Variants in SUGCT observed in about 807,000 individuals in gnomAD.
The protein encoded by SUGCT is succinyl-CoA:glutarate-CoA transferase.
Under a neutral mutation model 55.0 loss-of-function variants are expected in SUGCT, and 41 were observed. That is an observed-to-expected ratio of 0.74 (90% CI 0.58 to 0.97). The LOEUF is 0.97. Ranked by LOEUF, SUGCT falls within the 50% of genes least tolerant of loss-of-function variation. The pLI is 0.00. For missense variants in SUGCT, 568 were observed against 547.8 expected, an observed-to-expected ratio of 1.04 and a Z score of -0.37; for synonymous variants, 187 against 200.4, an observed-to-expected ratio of 0.93 and a Z score of 0.56.
downstream of SUGCT, among the ~76,000 whole-genome samples, chr7:40,862,783 A>T (rs1457912098): frequency 2.0e-5 from 3 of 151,164 alleles, no homozygotes; most frequent in East Asian, 3.9e-4. Context: ...TTTTCTGACT[A>T]ATCAAGCATG....
At chr7:40,913,394 C>G in the SUGCT span, among the ~76,000 whole-genome samples, 1 of 152,068 alleles carries the variant, frequency 6.6e-6, no homozygotes, top group Non-Finnish European at 1.5e-5. Context: ...ATCACATGGT[C>G]CCCCAAATTT....
At chr7:40,571,219 A>G (rs1796433072) in intron 12 of SUGCT, among the ~76,000 whole-genome samples, 1 of 152,234 alleles carries the variant, frequency 6.6e-6, no homozygotes, top group South Asian at 2.1e-4. Context: ...CATTTTAATT[A>G]TCTGCAAGCA....
At chr7:40,859,823 C>T (rs1794396661) in intron 13 of SUGCT, among the ~76,000 whole-genome samples, 1 of 152,224 alleles carries the variant, frequency 6.6e-6, no homozygotes. Context: ...AGCCTTGAAC[C>T]AGGGTCTAGC....
intron 12 of SUGCT, among the ~76,000 whole-genome samples, chr7:40,703,626 G>A (rs530975347): frequency 6.6e-6 from 1 of 152,276 alleles, no homozygotes; most frequent in East Asian, 1.9e-4. Context: ...TGATTTTTAA[G>A]AGCTAGCAAT....
At chr7:40,640,022 A>G (rs930860226) in intron 12 of SUGCT, among the ~76,000 whole-genome samples, 1 of 152,206 alleles carries the variant, frequency 6.6e-6, no homozygotes, top group African/African-American at 2.4e-5. Flanking sequence ...TTTGAATAGT[A>G]TGCAAGAAAG....
At chr7:40,646,748 C>G (rs1162813342) in intron 12 of SUGCT, among the ~76,000 whole-genome samples, 1 of 140,298 alleles carries the variant, frequency 7.1e-6, no homozygotes, top group Non-Finnish European at 1.5e-5. Flanking sequence ...CTCTTGTTCT[C>G]TGTCTTTGTA....
intron 12 of SUGCT, among the ~76,000 whole-genome samples, chr7:40,625,632 A>C (rs1460835696): frequency 6.6e-6 from 1 of 152,146 alleles, no homozygotes; most frequent in Admixed American, 6.5e-5. Context: ...GCAACTCATT[A>C]GGGTATTTTT....
chr7:40,291,876 T>C (rs1584591383), intron 8 of SUGCT, among the ~76,000 whole-genome samples: 1 of 152,258 alleles, frequency 6.6e-6, no homozygotes, highest in African/African-American at 2.4e-5. Context: ...ATCTAACATA[T>C]GCACTCAGCC....
intron 8 of SUGCT, among the ~76,000 whole-genome samples, chr7:40,289,087 T>C (rs1172854667): frequency 6.6e-6 from 1 of 152,222 alleles, no homozygotes; most frequent in Non-Finnish European, 1.5e-5. Flanking sequence ...TCCAAAGATG[T>C]CAACGTCCTT....
chr7:40,251,887 C>T (rs376149393), intron 7 of SUGCT, among the ~76,000 whole-genome samples: 2 of 121,708 alleles, frequency 1.6e-5, no homozygotes, highest in African/African-American at 5.5e-5. Context: ...TAAGTTTGTT[C>T]TCCTTTCTTC....
chr7:40,501,106 G>A (rs994139756), intron 12 of SUGCT, among the ~76,000 whole-genome samples: 2 of 152,152 alleles, frequency 1.3e-5, no homozygotes, highest in African/African-American at 4.8e-5. Flanking sequence ...GTAAAGATCT[G>A]ATGTAAAATA....
chr7:40,150,646 G>A (rs2150604508), intron 1 of SUGCT, among the ~76,000 whole-genome samples: 1 of 151,338 alleles, frequency 6.6e-6, no homozygotes, highest in South Asian at 2.1e-4. Flanking sequence ...ACTCCAGCCT[G>A]GGGAACAAGA....
chr7:40,688,296 C>T (rs182616977), intron 12 of SUGCT, among the ~76,000 whole-genome samples: 76 of 152,230 alleles, frequency 5.0e-4, no homozygotes, highest in South Asian at 1.9e-3. Flanking sequence ...AAAAGGGTGT[C>T]TCTGTTACCA....
chr7:40,782,784 A>G (rs1032847819), intron 13 of SUGCT: 1 of 152,196 alleles, frequency 6.6e-6, no homozygotes, highest in African/African-American at 2.4e-5. Flanking sequence ...GTTCTTGTTT[A>G]GCAAAAACAA....
intron 6 of SUGCT, among the ~76,000 whole-genome samples, chr7:40,226,217 T>C (rs910724989): frequency 4.6e-5 from 7 of 152,180 alleles, no homozygotes; most frequent in African/African-American, 1.4e-4. Flanking sequence ...GCTGTATCTG[T>C]ACCATAAGGG....
At chr7:40,965,917 T>C in the SUGCT span, 1 of 152,314 alleles carries the variant, frequency 6.6e-6, no homozygotes, top group Admixed American at 6.5e-5. Flanking sequence ...ATGGTAAGAA[T>C]TCAGTCATTG....
chr7:40,701,976 C>G (rs1785189376), intron 12 of SUGCT, among the ~76,000 whole-genome samples: 2 of 152,210 alleles, frequency 1.3e-5, no homozygotes, highest in Admixed American at 6.5e-5. Flanking sequence ...CAAAGGAAAG[C>G]TGTAGAAATG....
chr7:40,425,676 C>G (rs999571309), intron 9 of SUGCT, among the ~76,000 whole-genome samples: 1 of 152,064 alleles, frequency 6.6e-6, no homozygotes, highest in Non-Finnish European at 1.5e-5. Context: ...GGATCCTTAC[C>G]TGGTAACAGA....
chr7:40,864,209 T>A (rs1045040436), downstream of SUGCT, among the ~76,000 whole-genome samples: 8 of 152,100 alleles, frequency 5.3e-5, no homozygotes, highest in Non-Finnish European at 7.4e-5. Flanking sequence ...CAGACTGGAG[T>A]GCAGTGGTGC....
Sources: allele counts gnomAD v4.1 joint callset (sites outside exome capture counted in the v4.1 genomes callset), GRCh38; gene constraint gnomAD v4.1.1; transcripts MANE v1.5; gene names NCBI Gene and HGNC (gene_info 2026-07-23, HGNC 2026-07-21).